RIF1: variants seen among roughly 807,000 people sequenced by gnomAD.
RIF1 encodes the protein telomere-associated protein RIF1.
A neutral mutation model predicts 247.1 loss-of-function variants in RIF1; 45 were observed. The observed-to-expected ratio is 0.18, with a 90% CI of 0.14 to 0.23. RIF1 has a LOEUF of 0.23. Ranked by LOEUF, RIF1 falls within the 10% of genes least tolerant of loss-of-function variation. RIF1 has a pLI of 1.00. For synonymous variants in RIF1, 1,087 were observed against 978.8 expected (o/e 1.11, Z -2.06); for missense variants, 2,967 against 2,862.5 (o/e 1.04, Z -0.83).
intron 20 of RIF1, 75 bp downstream of exon 20, chr2:151,446,650 G>A (rs923873883): frequency 1.4e-6 from 2 of 1,436,188 alleles, no homozygotes; most frequent in African/African-American, 2.9e-5. Context: ...GATAATATTT[G>A]TGAACTGTCA....
At chr2:151,412,003 T>A (rs1430433674) in intron 3 of RIF1, among the ~76,000 whole-genome samples, 1 of 152,238 alleles carries the variant, frequency 6.6e-6, no homozygotes, top group African/African-American at 2.4e-5. Context: ...CTTTTGGGAA[T>A]CTACATCTAA....
chr2:151,445,226 T>G (rs576613227), intron 18 of RIF1, 112 bp from the exon 19 acceptor site: 1 of 691,310 alleles, frequency 1.4e-6, no homozygotes, highest in East Asian at 2.6e-5. Context: ...TTATTTTGAA[T>G]CTCATCATTG....
In RIF1 at chr2:151,467,988, C is replaced by A; in HGVS notation, c.6601-12C>A. 6.3e-7 allele frequency: 1 copy of A among 1,588,574 alleles called. No individual in the cohort carries two copies. Among genetic ancestry groups the A allele is most frequent in the Non-Finnish European group, 8.5e-7 (1 of 1,170,722 alleles). ...TAATTTTGTTAAGTAAAATCCTGAC[C>A]TGTGTTTTCAGGTTCGCCGTGTCTC... On this transcript the variant is annotated splice_polypyrimidine_tract_variant and intron_variant, in intron 30 of 35. Coordinates refer to ENST00000444746, the MANE Select transcript of RIF1 (RefSeq NM_018151.5).
intron 21 of RIF1, 123 bp from the exon 22 acceptor site, chr2:151,454,772 C>A: frequency 1.6e-6 from 1 of 638,636 alleles, no homozygotes; most frequent in Non-Finnish European, 2.6e-6. Context: ...GGGTGTCAGT[C>A]AGCAAACGGA....
chr2:151,411,294 A>T lies in RIF1; in HGVS notation c.139A>T (p.Thr47Ser), dbSNP rs1686161396. The T allele has an allele frequency of 1.2e-6, 2 of 1,605,576 alleles. No homozygotes were observed. The highest frequency in any genetic ancestry group is 2.7e-5 in the African/African-American group (2 of 74,580). ...TGGAGAAGAAGGAAAAGAAGTAATT[A>T]CAGAAATTGAGAAAAAACTTCCTCG... is the stretch of plus-strand genomic sequence containing the variant. ...MTGEEGKEVI[T>S]EIEKKLPRLY... The change falls in exon 3 of 36, where the codon ACA becomes TCA. Residue 47 changes from threonine (T) to serine (S), a missense_variant. This residue lies in a region of RIF1 where 269 missense variants were observed against 288.6 expected (regional missense o/e 0.93). Transcript: ENST00000444746.
exon 12 of RIF1, chr2:151,503,120 T>C (rs1460257615): frequency 6.8e-6 from 4 of 586,974 alleles, no homozygotes; most frequent in Non-Finnish European, 1.2e-5. Context: ...AGGAATCTTG[T>C]TAATTCTACT....
At chr2:151,439,809 C>T (rs548042872) in intron 14 of RIF1, among the ~76,000 whole-genome samples, 2 of 150,188 alleles carry the variant, frequency 1.3e-5, no homozygotes, top group South Asian at 4.2e-4. Context: ...CCCGTCTCTA[C>T]TAAAAATATG....
intron 23 of RIF1, among the ~76,000 whole-genome samples, chr2:151,457,087 G>T (rs1198703502): frequency 6.9e-5 from 10 of 143,892 alleles, no homozygotes; most frequent in African/African-American, 2.3e-4. Context: ...CATTTATAGG[G>T]TTTTTTTTTT....
the RIF1 span, chr2:151,526,300 C>A: frequency 7.5e-7 from 1 of 1,331,908 alleles, no homozygotes; most frequent in Non-Finnish European, 1.1e-6. Context: ...TTTAGCTCTG[C>A]TGGATATCCT....
chr2:151,441,797 TAATG>T (rs1244872010), intron 15 of RIF1, 104 bp from the exon 16 acceptor site: 3 of 504,596 alleles, frequency 5.9e-6, no homozygotes, highest in Middle Eastern at 4.2e-4. Flanking sequence ...ATATTTACGT[TAATG>T]AATGAACATT....
chr2:151,443,423 A>T (rs554802132), intron 17 of RIF1, 94 bp downstream of exon 17: 86 of 1,328,452 alleles, frequency 6.5e-5, no homozygotes, highest in South Asian at 1.7e-4. Context: ...AAGTTTTTTT[A>T]AAAAAAATTC....
rs1696448362 is a variant in RIF1 at position 151,463,139 on chromosome 2, G to A, written c.3619G>A (p.Val1207Ile). The A allele has an allele frequency of 6.2e-7, 1 of 1,614,098 alleles. No homozygotes were observed. The highest frequency in any genetic ancestry group is 8.5e-7 in the Non-Finnish European group (1 of 1,179,976). The change falls in exon 30 of 36, where the codon GTT becomes ATT. Residue 1207 changes from valine (V) to isoleucine (I), a missense_variant. By Grantham distance (29) the Val-to-Ile change is conservative (BLOSUM62 3). This residue lies in a region of RIF1 where 2,028 missense variants were observed against 1,825.6 expected (regional missense o/e 1.11). Coordinates refer to ENST00000444746, the MANE Select transcript of RIF1 (RefSeq NM_018151.5). ...VSSSSVSNTT[V>I]AGTPPYPTSR... ...CAGTAGTTCAGTTTCTAATACCACT[G>A]TTGCTGGAACTCCCCCATACCCTAC...
chr2:151,463,754 A>C lies in RIF1; in HGVS notation c.4234A>C (p.Lys1412Gln). Residue 1412 changes from lysine (K) to glutamine (Q), a missense_variant, in exon 30 of 36, where the codon AAA (lysine) becomes CAA (glutamine). By Grantham distance (53) the Lys-to-Gln change is moderately conservative. Transcript: ENST00000444746. ...TCAGGTTCAGATAACTCCAAATCAGAAAACCCTTAGACGGTCTTCAAGGCG... is the reference window on the plus strand; with the variant it reads ...TCAGGTTCAGATAACTCCAAATCAGCAAACCCTTAGACGGTCTTCAAGGCG... Reference protein sequence around the residue: ...DSQVQITPNQKTLRRSSRRRS... With the variant: ...DSQVQITPNQQTLRRSSRRRS... 6.2e-7 allele frequency: 1 copy of C among 1,614,064 alleles called. No homozygotes were observed. The highest frequency in any genetic ancestry group is 8.5e-7 in the Non-Finnish European group (1 of 1,180,006).
chr2:151,428,687 C>A, intron 8 of RIF1, 97 bp from the exon 9 acceptor site: 1 of 936,256 alleles, frequency 1.1e-6, no homozygotes, highest in Non-Finnish European at 1.7e-6. Context: ...TTATGAAGTC[C>A]TAAGAGCATC....
chr2:151,505,034 A>G (rs1019372503), intron 12 of RIF1, among the ~76,000 whole-genome samples: 1 of 152,212 alleles, frequency 6.6e-6, no homozygotes, highest in Non-Finnish European at 1.5e-5. Context: ...GAATCCTATC[A>G]TTCATATGAT....
intron 7 of RIF1, among the ~76,000 whole-genome samples, chr2:151,422,407 A>G (rs892997139): frequency 7.9e-5 from 12 of 152,140 alleles, no homozygotes; most frequent in Non-Finnish European, 1.0e-4. Flanking sequence ...TAAAGTGTTA[A>G]TGGTAGAATC....
intron 9 of RIF1, among the ~76,000 whole-genome samples, chr2:151,430,775 C>T (rs969411338): frequency 1.7e-4 from 25 of 151,454 alleles, no homozygotes; most frequent in Non-Finnish European, 3.2e-4. Flanking sequence ...ACCTCAGCCC[C>T]CCCAAGTAGC....
At position 151,465,906 on chromosome 2, in the gene RIF1, C is replaced by T; in HGVS notation, c.6386C>T (p.Ser2129Phe). The T allele has an allele frequency of 6.2e-7, 1 of 1,614,154 alleles. No individual in the cohort carries two copies. The highest frequency in any genetic ancestry group is 8.5e-7 in the Non-Finnish European group (1 of 1,179,988). Residue 2129 changes from serine to phenylalanine, a missense_variant, in exon 30 of 36, where the codon TCT becomes TTT. By Grantham distance (155) the Ser-to-Phe change is radical. This residue lies in a region of RIF1 where 2,028 missense variants were observed against 1,825.6 expected (regional missense o/e 1.11). Transcript: ENST00000444746. ...KVEEPSQCLA[S>F]GTAISELIIE... ...GAGGAACCATCACAGTGTCTGGCAT[C>T]TGGAACAGCTATCTCTGAGCTAATA...
intron 9 of RIF1, chr2:151,490,152 G>T (rs1477488722): frequency 2.4e-6 from 3 of 1,261,704 alleles, no homozygotes; most frequent in Admixed American, 4.3e-5. Context: ...TAGCAGCTGA[G>T]TGATGTCTTT....
Sources: allele counts gnomAD v4.1 joint callset (sites outside exome capture counted in the v4.1 genomes callset), GRCh38; gene constraint gnomAD v4.1.1; regional missense constraint gnomAD v4.1.1; transcripts MANE v1.5; gene names NCBI Gene and HGNC (gene_info 2026-07-23, HGNC 2026-07-21).